KIF13B: variants seen among roughly 807,000 people sequenced by gnomAD.
The protein encoded by KIF13B is kinesin-like protein KIF13B.
A neutral mutation model predicts 222.0 loss-of-function variants in KIF13B; 127 were observed. The ratio of observed to expected loss-of-function variants is 0.57; its 90% confidence interval spans 0.50 to 0.66. The LOEUF (loss-of-function observed/expected upper bound fraction) is 0.66. Among genes scored for constraint, KIF13B ranks in the 30% least tolerant of loss-of-function variants. The pLI is 0.00. For missense variants in KIF13B, 2,173 were observed against 2,379.0 expected, an observed-to-expected ratio of 0.91 and a Z score of 1.80; for synonymous variants, 976 against 919.0, an observed-to-expected ratio of 1.06 and a Z score of -1.12.
chr8:29,079,784 T>C (rs1056831041), intron 37 of KIF13B, among the ~76,000 whole-genome samples: 2 of 152,260 alleles, frequency 1.3e-5, no homozygotes, highest in African/African-American at 4.8e-5. Context: ...CATTTTTTAA[T>C]GGTGCTTAAA....
chr8:29,156,244 T>C (rs1338475028), intron 13 of KIF13B, among the ~76,000 whole-genome samples: 1 of 152,166 alleles, frequency 6.6e-6, no homozygotes, highest in East Asian at 1.9e-4. Flanking sequence ...GTGCTGGGAT[T>C]ACAGGTGTGA....
At chr8:29,185,739 T>C (rs1022027540) in intron 6 of KIF13B, among the ~76,000 whole-genome samples, 3 of 152,242 alleles carry the variant, frequency 2.0e-5, no homozygotes, top group Admixed American at 2.0e-4. Flanking sequence ...TTCCTAATGC[T>C]GTTTTTACAT....
chr8:29,131,500 A>G (rs1810342860), intron 23 of KIF13B, among the ~76,000 whole-genome samples: 1 of 152,214 alleles, frequency 6.6e-6, no homozygotes, highest in Non-Finnish European at 1.5e-5. Flanking sequence ...GTATTTGCTA[A>G]ACTATCCAAA....
rs1212375165 is a variant in KIF13B at position 29,167,393 on chromosome 8, C to T, written c.1138G>A (p.Glu380Lys). The stretch of plus-strand genomic sequence containing the variant: ...CCTACCTCTGCTTTGGTCAGCTGCT[C>T]CCGGAGTTTCTCAACTTCTTCCCGG... ...DLREEVEKLR[E>K]QLTKAEAMKS... Residue 380 changes from glutamate to lysine, a missense_variant, in exon 11 of 40, where the codon GAG becomes AAG. Around this residue, in one of 2 missense-constraint regions of KIF13B, gnomAD observed 1,480 missense variants for 1,722.8 expected, o/e 0.86. Transcript: ENST00000524189. 2.5e-6 allele frequency: 4 copies of T among 1,612,702 alleles called. No individual in the cohort carries two copies. Among genetic ancestry groups the T allele is most frequent in the Non-Finnish European group, 2.5e-6 (3 of 1,179,766 alleles).
chr8:29,130,388 G>A (rs1413416773), intron 24 of KIF13B, 145 bp downstream of exon 24: 3 of 843,516 alleles, frequency 3.6e-6, no homozygotes, highest in Admixed American at 2.6e-5. Context: ...AGCAATACTT[G>A]TGACATGAGA....
At position 29,098,170 on chromosome 8, in the gene KIF13B, C is replaced by CAAAAAAAAAAAAAAAAA. The variant is rs147089450; in HGVS notation, c.4324+946_4324+962dup. Among the ~76,000 whole-genome samples the CAAAAAAAAAAAAAAAAA allele has an allele frequency of 4.3e-3, 131 of 30,296 alleles. 13 individuals carry two copies. Among genetic ancestry groups the CAAAAAAAAAAAAAAAAA allele is most frequent in the African/African-American group, 0.011 (68 of 6,100 alleles). 19.9% of individuals were successfully genotyped at this position (30,296 alleles called of 152,430 possible). A position where few individuals can be genotyped will look rare whatever the true frequency, so the allele number is the denominator to read the frequency against. ...TGGGCGACAGAGTCAGACTCCATCT[C>CAAAAAAAAAAAAAAAAA]AAAAAAAAAAAAAAAAAAAAGTAAG... On this transcript the variant is annotated intron_variant, in intron 36 of 39. Transcript: ENST00000524189.
At chr8:29,187,811 A>C (rs4732913) in intron 5 of KIF13B, among the ~76,000 whole-genome samples, 7,171 of 152,278 alleles carry the variant, frequency 0.047, 357 homozygotes, top group African/African-American at 0.12. Context: ...TTCTGTAAAA[A>C]GTTTGCACAT....
intron 23 of KIF13B, 39 bp from the exon 24 acceptor site, chr8:29,130,704 C>T: frequency 6.2e-7 from 1 of 1,607,896 alleles, no homozygotes; most frequent in Non-Finnish European, 8.5e-7. Context: ...TCATACATTT[C>T]TATTTCATTA....
chr8:29,086,194 A>G (rs1808043254), intron 37 of KIF13B, among the ~76,000 whole-genome samples: 1 of 152,200 alleles, frequency 6.6e-6, no homozygotes, highest in African/African-American at 2.4e-5. Flanking sequence ...GTGTCATCTA[A>G]TAATATCAAA....
intron 2 of KIF13B, among the ~76,000 whole-genome samples, chr8:29,203,074 T>G (rs142402208): frequency 2.6e-5 from 4 of 152,326 alleles, no homozygotes; most frequent in African/African-American, 9.6e-5. Flanking sequence ...GTTTGTCTCA[T>G]GATAGAATAA....
intron 1 of KIF13B, among the ~76,000 whole-genome samples, chr8:29,253,215 T>C (rs1006268855): frequency 6.6e-6 from 1 of 152,076 alleles, no homozygotes; most frequent in Non-Finnish European, 1.5e-5. Context: ...TGTAGTGGCA[T>C]GCACCTGTAG....
intron 2 of KIF13B, among the ~76,000 whole-genome samples, chr8:29,239,398 T>C (rs1563816972): frequency 1.3e-5 from 2 of 152,250 alleles, no homozygotes; most frequent in Non-Finnish European, 1.5e-5. Context: ...GGAAAGCCTA[T>C]GTTCTGATTT....
intron 37 of KIF13B, among the ~76,000 whole-genome samples, chr8:29,085,849 C>CA (rs752162185): frequency 0.091 from 6,102 of 67,348 alleles, 798 homozygotes; most frequent in African/African-American, 0.22. Context: ...GAGCCCGTAA[C>CA]AAAAAAAAAA....
chr8:29,201,849 T>C lies in KIF13B; in HGVS notation c.150-5650A>G, dbSNP rs140977476. On this transcript the variant is annotated intron_variant, in intron 2 of 39. Transcript: ENST00000524189. ...CAATCTGTGTGATGAGTATGATTTT[T>C]TTCTTTGTCACTCCTCCCCCACTGT... Among the ~76,000 whole-genome samples, 889 of 152,348 alleles carry C rather than the reference T, an allele frequency of 5.8e-3. 2 individuals carry two copies. The highest frequency in any genetic ancestry group is 6.8e-3 in the Middle Eastern group (2 of 294).
chr8:29,124,593 T>TA (rs1810026427), intron 26 of KIF13B, among the ~76,000 whole-genome samples: 1 of 151,622 alleles, frequency 6.6e-6, no homozygotes, highest in East Asian at 1.9e-4. Context: ...ACTCAAAATA[T>TA]AAAAAATTGG....
intron 2 of KIF13B, among the ~76,000 whole-genome samples, chr8:29,219,834 A>C (rs1019293292): frequency 6.6e-6 from 1 of 152,298 alleles, no homozygotes; most frequent in African/African-American, 2.4e-5. Context: ...AGGCCAAGGC[A>C]GGCAGATCGC....
intron 37 of KIF13B, 39 bp downstream of exon 37, chr8:29,092,706 T>G: frequency 1.9e-6 from 3 of 1,581,660 alleles, no homozygotes; most frequent in Non-Finnish European, 2.6e-6. Flanking sequence ...ACCGCTTTAT[T>G]AGAAAAACGT....
intron 2 of KIF13B, among the ~76,000 whole-genome samples, chr8:29,240,414 T>C (rs1815720793): frequency 6.6e-6 from 1 of 151,854 alleles, no homozygotes. Flanking sequence ...AAGATCAAAT[T>C]CAAGAAAGTG....
chr8:29,118,627 G>A (rs548527582), intron 30 of KIF13B, among the ~76,000 whole-genome samples: 2 of 152,272 alleles, frequency 1.3e-5, no homozygotes, highest in Admixed American at 6.5e-5. Flanking sequence ...GCTCCTGACC[G>A]CTGCTGATCT....
Sources: allele counts gnomAD v4.1 joint callset (sites outside exome capture counted in the v4.1 genomes callset), GRCh38; gene constraint gnomAD v4.1.1; regional missense constraint gnomAD v4.1.1; transcripts MANE v1.5; gene names NCBI Gene and HGNC (gene_info 2026-07-23, HGNC 2026-07-21).